The following TBC1D31 variants were observed in gnomAD, a reference collection of about 807,000 sequenced individuals.
The protein encoded by TBC1D31 is TBC1 domain family member 31, also known as WD repeat domain 67.
TBC1D31 carries 99 observed loss-of-function variants against 132.9 expected under a neutral mutation model. The ratio of observed to expected loss-of-function variants is 0.74; its 90% confidence interval spans 0.63 to 0.88. The LOEUF is 0.88. Among genes scored for constraint, TBC1D31 ranks in the 40% least tolerant of loss-of-function variants. TBC1D31 has a pLI of 0.00. For missense variants in TBC1D31, 1,134 were observed against 1,256.6 expected, an observed-to-expected ratio of 0.90 and a Z score of 1.48; for synonymous variants, 385 against 419.4, an observed-to-expected ratio of 0.92 and a Z score of 1.00.
chr8:123,153,795 C>T (rs183513100), downstream of TBC1D31, among the ~76,000 whole-genome samples: 1 of 152,338 alleles, frequency 6.6e-6, no homozygotes, highest in Admixed American at 6.5e-5. Context: ...CTCTCCATTA[C>T]TCCCTTGAGT....
chr8:123,083,055 A>C (rs930992355), intron 3 of TBC1D31: 1 of 454,866 alleles, frequency 2.2e-6, no homozygotes, highest in Non-Finnish European at 3.9e-6. Context: ...CACAGAACTC[A>C]GGAAAGCACT....
chr8:123,163,062 T>C, the TBC1D31 span, among the ~76,000 whole-genome samples: 1 of 152,090 alleles, frequency 6.6e-6, no homozygotes, highest in East Asian at 1.9e-4. Flanking sequence ...CCTGATCTCG[T>C]GATCTGCCCA....
At chr8:123,118,944 T>G (rs1426331889) in intron 10 of TBC1D31, among the ~76,000 whole-genome samples, 2 of 152,228 alleles carry the variant, frequency 1.3e-5, no homozygotes, top group Non-Finnish European at 2.9e-5. Context: ...CAGGCTGGTC[T>G]CAAACTCCTG....
intron 10 of TBC1D31, among the ~76,000 whole-genome samples, chr8:123,116,417 C>A (rs558832697): frequency 6.6e-6 from 1 of 152,100 alleles, no homozygotes; most frequent in East Asian, 1.9e-4. Flanking sequence ...TCAATAGAGA[C>A]GAGAGCCAGG....
intron 15 of TBC1D31, among the ~76,000 whole-genome samples, chr8:123,129,953 T>C (rs1260854419): frequency 6.6e-6 from 1 of 152,232 alleles, no homozygotes; most frequent in East Asian, 1.9e-4. Flanking sequence ...GATGGAACTT[T>C]ATGTAACAGA....
At chr8:123,100,480 G>T (rs556613789) in intron 6 of TBC1D31, among the ~76,000 whole-genome samples, 8 of 152,192 alleles carry the variant, frequency 5.3e-5, no homozygotes, top group Middle Eastern at 3.4e-3. Flanking sequence ...GCAGGGTGAG[G>T]CTGGAGAATT....
Position 123,142,367 on chromosome 8 carries a change from T to C in TBC1D31, c.2746T>C (p.Cys916Arg), listed in dbSNP as rs750081972. The stretch of plus-strand genomic sequence containing the variant: ...ATGTGATGATCTACAACGAAACAAA[T>C]GTTACCAGGAAGTAGCCAAACTCCT... Reference protein sequence around the residue: ...QKCDDLQRNKCYQEVAKLLRE... With the variant: ...QKCDDLQRNKRYQEVAKLLRE... Residue 916 changes from cysteine (C) to arginine (R), a missense_variant, in exon 19 of 22, where the codon TGT becomes CGT. Cys to Arg is a radical substitution (Grantham distance 180). Transcript: ENST00000287380. 2.1e-5 allele frequency: 34 copies of C among 1,609,010 alleles called. No individual in the cohort carries two copies. The highest frequency in any genetic ancestry group is 2.6e-5 in the Non-Finnish European group (31 of 1,178,098).
chr8:123,158,115 C>T, the TBC1D31 span, among the ~76,000 whole-genome samples: 1 of 150,228 alleles, frequency 6.7e-6, no homozygotes, highest in African/African-American at 2.5e-5. Context: ...GCTCTCCTTT[C>T]CCTTTCACTC....
At chr8:123,128,858 A>G (rs960368599) in intron 14 of TBC1D31, among the ~76,000 whole-genome samples, 2 of 152,088 alleles carry the variant, frequency 1.3e-5, no homozygotes, top group African/African-American at 4.8e-5. Context: ...CCTGGGCGAC[A>G]GAGTGAGACT....
chr8:123,089,933 A>G (rs1816170226), intron 4 of TBC1D31, among the ~76,000 whole-genome samples: 2 of 152,244 alleles, frequency 1.3e-5, no homozygotes, highest in South Asian at 4.1e-4. Flanking sequence ...GTTATAGAAT[A>G]TACATCATAC....
intron 4 of TBC1D31, among the ~76,000 whole-genome samples, chr8:123,086,794 G>A (rs1422236066): frequency 6.6e-6 from 1 of 150,554 alleles, no homozygotes; most frequent in Non-Finnish European, 1.5e-5. Flanking sequence ...ATGTCAGCTC[G>A]CTACAACCTC....
Position 123,100,818 on chromosome 8 carries a change from A to G in TBC1D31, c.843A>G (p.Val281=). The G allele has an allele frequency of 6.2e-7, 1 of 1,612,784 alleles. No homozygotes were observed. The highest frequency in any genetic ancestry group is 8.5e-7 in the Non-Finnish European group (1 of 1,178,856). The change falls in exon 7 of 22, where the codon GTA becomes GTG. Residue 281 remains valine (V), a synonymous_variant. Coordinates refer to ENST00000287380, the MANE Select transcript of TBC1D31 (RefSeq NM_145647.4). ...FDAGSNQVLG[V]LSQDGIMRFI... ...TTTTTCTCTCTTAGGTTCTTGGAGT[A>G]CTAAGTCAAGATGGTATTATGAGAT... is the stretch of plus-strand genomic sequence containing the variant.
chr8:123,112,496 C>T (rs1818545011), intron 10 of TBC1D31, among the ~76,000 whole-genome samples: 1 of 152,152 alleles, frequency 6.6e-6, no homozygotes, highest in Non-Finnish European at 1.5e-5. Flanking sequence ...TACTATTACA[C>T]TTTTCTGTAC....
intron 4 of TBC1D31, among the ~76,000 whole-genome samples, chr8:123,086,528 C>T (rs1815768718): frequency 6.6e-6 from 1 of 152,058 alleles, no homozygotes; most frequent in Non-Finnish European, 1.5e-5. Flanking sequence ...TTTTGGCTGT[C>T]CCACCCTTTT....
chr8:123,150,211 A>T, intron 21 of TBC1D31, 83 bp downstream of exon 21: 1 of 1,056,244 alleles, frequency 9.5e-7, no homozygotes, highest in Non-Finnish European at 1.4e-6. Context: ...AATTATATTT[A>T]TAGCATGTGG....
At chr8:123,135,725 T>C (rs1016667470) in intron 17 of TBC1D31, among the ~76,000 whole-genome samples, 7 of 152,228 alleles carry the variant, frequency 4.6e-5, no homozygotes, top group Non-Finnish European at 1.0e-4. Flanking sequence ...ATAACACTTT[T>C]AAAGTCTCCA....
In TBC1D31 at chr8:123,126,641, G is replaced by A. The variant is rs764087239; in HGVS notation, c.1838G>A (p.Cys613Tyr). 1 of 1,613,984 alleles carries A rather than the reference G, an allele frequency of 6.2e-7. No homozygotes were observed. Among genetic ancestry groups the A allele is most frequent in the Non-Finnish European group, 8.5e-7 (1 of 1,179,960 alleles). The change falls in exon 13 of 22, where the codon TGT becomes TAT. Residue 613 changes from cysteine to tyrosine, a missense_variant. Cys to Tyr is a radical substitution (Grantham distance 194). Transcript: ENST00000287380. The stretch of plus-strand genomic sequence containing the variant: ...ATGACTGTTGTAGCCTACAACATAT[G>A]TTCTAGAACGCCTCTGCTCAGCTGT... ...LLMTVVAYNI[C>Y]SRTPLLSCNL...
intron 10 of TBC1D31, among the ~76,000 whole-genome samples, chr8:123,118,666 TA>T (rs762730615): frequency 1.8e-3 from 261 of 144,944 alleles, no homozygotes; most frequent in Non-Finnish European, 1.6e-3. Context: ...GACCAGCCAG[TA>T]AAAAAAAAAA....
intron 11 of TBC1D31, among the ~76,000 whole-genome samples, chr8:123,123,979 A>G (rs1464504828): frequency 2.0e-5 from 3 of 152,060 alleles, no homozygotes; most frequent in Admixed American, 6.6e-5. Flanking sequence ...GTTATTTTGA[A>G]TGGGGATAGT....
Sources: gnomAD v4.1 joint callset for allele counts (sites outside exome capture counted in the v4.1 genomes callset) on GRCh38, gnomAD v4.1.1 for gene constraint, MANE v1.5 for transcripts, NCBI Gene and HGNC (gene_info 2026-07-23, HGNC 2026-07-21) for gene names.